ATAD2B: variants seen among roughly 807,000 people sequenced by gnomAD.
ATAD2B encodes ATPase family AAA domain-containing protein 2B.
In ATAD2B, 40 loss-of-function variants were observed where a neutral mutation model predicts 167.6. The observed-to-expected ratio is 0.24, with a 90% CI of 0.19 to 0.31. The LOEUF is 0.31. Among genes scored for constraint, ATAD2B ranks in the 10% least tolerant of loss-of-function variants. The pLI, the probability that ATAD2B is intolerant of heterozygous loss-of-function variation, is 1.00. For missense variants in ATAD2B, 1,242 were observed against 1,757.2 expected, an observed-to-expected ratio of 0.71 and a Z score of 5.24; for synonymous variants, 579 against 596.5, an observed-to-expected ratio of 0.97 and a Z score of 0.43.
At chr2:23,736,239 G>A in the ATAD2B span, among the ~76,000 whole-genome samples, 1 of 152,028 alleles carries the variant, frequency 6.6e-6, no homozygotes, top group Non-Finnish European at 1.5e-5. Flanking sequence ...CCCCCCCATT[G>A]TTACTATTTT....
chr2:23,703,838 A>T, the ATAD2B span: 1 of 1,537,352 alleles, frequency 6.5e-7, no homozygotes, highest in South Asian at 1.2e-5. Flanking sequence ...GGGCCCAAAC[A>T]TGAACCACTC....
At chr2:23,819,240 A>G (rs2149615449) in intron 17 of ATAD2B, among the ~76,000 whole-genome samples, 1 of 152,268 alleles carries the variant, frequency 6.6e-6, no homozygotes, top group Admixed American at 6.5e-5. Flanking sequence ...GCATACGCCT[A>G]TAATCCCAGC....
chr2:23,906,193 T>A (rs1417358379), intron 1 of ATAD2B, among the ~76,000 whole-genome samples: 1 of 151,636 alleles, frequency 6.6e-6, no homozygotes, highest in African/African-American at 2.4e-5. Flanking sequence ...AAAAAAAAAT[T>A]GGCCGGGTTT....
intron 7 of ATAD2B, among the ~76,000 whole-genome samples, chr2:23,878,339 C>A (rs1041221557): frequency 2.0e-5 from 3 of 151,862 alleles, no homozygotes; most frequent in Non-Finnish European, 4.4e-5. Context: ...CCAGCCTGGG[C>A]AACAGAGTGA....
At chr2:23,916,745 T>C (rs1291488339) in intron 1 of ATAD2B, among the ~76,000 whole-genome samples, 2 of 152,178 alleles carry the variant, frequency 1.3e-5, no homozygotes, top group Non-Finnish European at 2.9e-5. Context: ...TCAGATATAA[T>C]GATTAAACAA....
chr2:23,763,996 C>T (rs1254850403), intron 23 of ATAD2B, among the ~76,000 whole-genome samples: 2 of 152,104 alleles, frequency 1.3e-5, no homozygotes, highest in Non-Finnish European at 2.9e-5. Context: ...TTTTCTTTAC[C>T]AATTCACCAG....
chr2:23,777,763 A>G (rs1188819685), intron 22 of ATAD2B, among the ~76,000 whole-genome samples: 1 of 152,182 alleles, frequency 6.6e-6, no homozygotes, highest in Non-Finnish European at 1.5e-5. Flanking sequence ...TGAGCCAAAC[A>G]TAATATATCA....
chr2:23,904,021 G>A (rs1701170230), intron 1 of ATAD2B, among the ~76,000 whole-genome samples: 1 of 151,984 alleles, frequency 6.6e-6, no homozygotes, highest in South Asian at 2.1e-4. Flanking sequence ...GTATAATGCT[G>A]AATTAAAATT....
At chr2:23,842,594 G>C (rs1691098318) in intron 13 of ATAD2B, among the ~76,000 whole-genome samples, 1 of 152,148 alleles carries the variant, frequency 6.6e-6, no homozygotes, top group African/African-American at 2.4e-5. Context: ...GAGAGAATAT[G>C]CAACAGGGGT....
Position 23,782,310 on chromosome 2 carries a change from G to A in ATAD2B, c.3133+559C>T, listed in dbSNP as rs147591818. On this transcript the variant is annotated intron_variant, in intron 22 of 27. Transcript: ENST00000238789. ...TCCCTATGACACATATTCTTCCTCA[G>A]TATAATAAATCACCTCATTTTGTTT... 1.6e-3 allele frequency among the ~76,000 whole-genome samples: 246 copies of A among 152,290 alleles called. 1 individual carries two copies. The highest frequency in any genetic ancestry group is 2.4e-3 in the Non-Finnish European group (160 of 68,024).
rs1283016862 is a variant in ATAD2B, at chr2:23,878,010, C to CAAAAAAAAAAAAAAAA, written c.902-2107_902-2106insTTTTTTTTTTTTTTTT. Among the ~76,000 whole-genome samples, 64 of 28,604 alleles carry CAAAAAAAAAAAAAAAA rather than the reference C, an allele frequency of 2.2e-3. 15 individuals carry two copies. The highest frequency in any genetic ancestry group is 2.7e-3 in the African/African-American group (22 of 8,032). The allele number at this position is 28,604 out of a possible 152,430, so 18.8% of individuals were successfully genotyped here. A position where few individuals can be genotyped will look rare whatever the true frequency, so the allele number is the denominator to read the frequency against. On this transcript the variant is annotated intron_variant, in intron 7 of 27. Coordinates refer to ENST00000238789, the MANE Select transcript of ATAD2B (RefSeq NM_017552.4). ...ACTCCAGCCTGGATGACCCTATCTC[C>CAAAAAAAAAAAAAAAA]AAAGAAAAAAAAAAAAAAAAAAAAA...
intron 13 of ATAD2B, among the ~76,000 whole-genome samples, chr2:23,842,203 A>G (rs540461831): frequency 6.6e-6 from 1 of 152,082 alleles, no homozygotes; most frequent in African/African-American, 2.4e-5. Flanking sequence ...TCTCTTCTTG[A>G]TTGCTTTTGG....
At chr2:23,776,708 G>A (rs945675256) in intron 22 of ATAD2B, among the ~76,000 whole-genome samples, 5 of 152,092 alleles carry the variant, frequency 3.3e-5, no homozygotes, top group African/African-American at 1.2e-4. Flanking sequence ...TTTCTAATAA[G>A]ACCTTATGAC....
intron 17 of ATAD2B, among the ~76,000 whole-genome samples, chr2:23,811,660 T>C (rs1685612792): frequency 1.3e-5 from 2 of 152,134 alleles, no homozygotes; most frequent in Non-Finnish European, 2.9e-5. Flanking sequence ...GACGGGTTGA[T>C]AGGTGCTACA....
the ATAD2B span, among the ~76,000 whole-genome samples, chr2:23,734,708 T>C: frequency 6.6e-6 from 1 of 152,084 alleles, no homozygotes; most frequent in Non-Finnish European, 1.5e-5. Flanking sequence ...GAAGTCTGCC[T>C]CCATGTTCCA....
rs1695383357 is a variant in ATAD2B at position 23,867,897 on chromosome 2, G to A, written c.1126C>T (p.Arg376Ter). 1 of 1,613,694 alleles carries A rather than the reference G, an allele frequency of 6.2e-7. No individual in the cohort carries two copies. The highest frequency in any genetic ancestry group is 8.5e-7 in the Non-Finnish European group (1 of 1,179,794). The change falls in exon 10 of 28, where the codon CGA (arginine) becomes TGA (stop). Residue 376 changes from arginine to a stop codon, truncating the protein, a stop_gained. Transcript: ENST00000238789. LOFTEE classifies it high-confidence loss of function. ...RAEDLASGIL[R>*]ERVKVGASLA... Reference sequence around the variant, plus strand: ...CTTGCACCCACTTTCACTCGTTCTCGGAGAATACCGCTAGCTAAGTCCTCT... The same window carrying A: ...CTTGCACCCACTTTCACTCGTTCTCAGAGAATACCGCTAGCTAAGTCCTCT...
intron 18 of ATAD2B, among the ~76,000 whole-genome samples, chr2:23,805,193 T>G (rs774458802): frequency 6.6e-6 from 1 of 151,912 alleles, no homozygotes; most frequent in Non-Finnish European, 1.5e-5. Flanking sequence ...TCAAAGTGAT[T>G]TTTTTCATCT....
At position 23,883,746 on chromosome 2, in the gene ATAD2B, T is replaced by A. The variant is rs540464857; in HGVS notation, c.784+1019A>T. The A allele has an allele frequency of 1.3e-3, 574 of 441,044 alleles. 3 individuals are homozygous for A. Among genetic ancestry groups the A allele is most frequent in the African/African-American group, 0.011 (544 of 47,442 alleles). The allele number at this position is 441,044 out of a possible 1,614,324, so 27.3% of individuals were successfully genotyped here. Reference sequence around the variant, plus strand: ...AGAATTTTTAAAAAACATAGTCTTCTCAATCTAAACTACACAAATAATGGG... The same window carrying A: ...AGAATTTTTAAAAAACATAGTCTTCACAATCTAAACTACACAAATAATGGG... On this transcript the variant is annotated intron_variant, in intron 6 of 27. Transcript: ENST00000238789.
At chr2:23,895,336 T>G (rs1251542656) in intron 2 of ATAD2B, among the ~76,000 whole-genome samples, 2 of 152,036 alleles carry the variant, frequency 1.3e-5, no homozygotes, top group Non-Finnish European at 2.9e-5. Flanking sequence ...ACTATGAAAC[T>G]GACTAAAATT....
Sources: gnomAD v4.1 joint callset for allele counts (sites outside exome capture counted in the v4.1 genomes callset) on GRCh38, gnomAD v4.1.1 for gene constraint, MANE v1.5 for transcripts, NCBI Gene and HGNC (gene_info 2026-07-23, HGNC 2026-07-21) for gene names.